The following SMG5 variants were observed in gnomAD, a reference collection of about 807,000 sequenced individuals.
SMG5 encodes SMG5 nonsense mediated mRNA decay factor.
A neutral mutation model predicts 122.9 loss-of-function variants in SMG5; 53 were observed. That is an observed-to-expected ratio of 0.43 (90% CI 0.35 to 0.54). SMG5 has a LOEUF of 0.54. Ranked by LOEUF, SMG5 falls within the 20% of genes least tolerant of loss-of-function variation. The pLI, the probability that SMG5 is intolerant of heterozygous loss-of-function variation, is 0.01. For missense variants in SMG5, 1,153 were observed against 1,285.6 expected, an observed-to-expected ratio of 0.90 and a Z score of 1.58; for synonymous variants, 477 against 490.2, an observed-to-expected ratio of 0.97 and a Z score of 0.35.
At chr1:156,277,556 T>C (rs1227048127) in intron 3 of SMG5, among the ~76,000 whole-genome samples, 1 of 149,122 alleles carries the variant, frequency 6.7e-6, no homozygotes, top group Non-Finnish European at 1.5e-5. Flanking sequence ...CTTGTTGCCC[T>C]GGCTGGAGTA....
intron 7 of SMG5, 112 bp from the exon 8 acceptor site, chr1:156,268,527 C>G (rs1662261819): frequency 7.4e-7 from 1 of 1,357,208 alleles, no homozygotes; most frequent in Non-Finnish European, 1.0e-6. Flanking sequence ...CCAGCCTCAG[C>G]TTCCATGTAC....
rs948424373 is a variant in SMG5, at chr1:156,282,808, G to A, written c.-128C>T. 22 of 1,035,274 alleles carry A rather than the reference G, an allele frequency of 2.1e-5. No homozygotes were observed. Among genetic ancestry groups the A allele is most frequent in the Non-Finnish European group, 2.6e-5 (19 of 741,398 alleles). 64.1% of individuals were successfully genotyped at this position (1,035,274 alleles called of 1,614,324 possible). A position where few individuals can be genotyped will look rare whatever the true frequency, so the allele number is the denominator to read the frequency against. On this transcript the variant is annotated 5_prime_UTR_variant, in exon 1 of 22. Coordinates refer to ENST00000361813, the MANE Select transcript of SMG5 (RefSeq NM_015327.3). ...GGCCCTGCTCGGCCGCCATCGCTGT[G>A]AGGCGGCTGCCCGCGACAGCTCCTC...
upstream of SMG5, chr1:156,286,496 G>C (rs199616044): frequency 1.9e-6 from 3 of 1,610,582 alleles, no homozygotes; most frequent in South Asian, 2.2e-5. Context: ...AGAGGGTGGG[G>C]CATGGGAGAG....
At chr1:156,267,053 C>T (rs1662184923) in intron 10 of SMG5, among the ~76,000 whole-genome samples, 1 of 152,142 alleles carries the variant, frequency 6.6e-6, no homozygotes, top group African/African-American at 2.4e-5. Context: ...CCCCATGCCT[C>T]AAGAGCCTTC....
intron 17 of SMG5, 124 bp from the exon 18 acceptor site, chr1:156,253,202 T>C (rs1225113164): frequency 7.1e-6 from 8 of 1,127,802 alleles, no homozygotes; most frequent in Non-Finnish European, 9.9e-6. Context: ...GAGGACCCTC[T>C]CTACCAATGG....
chr1:156,285,794 G>A (rs370647770), upstream of SMG5: 129 of 1,613,476 alleles, frequency 8.0e-5, no homozygotes, highest in Middle Eastern at 6.6e-4. Flanking sequence ...TGGGGGCTGC[G>A]GGAGCTGTGG....
At chr1:156,258,443 G>C (rs144778101) in intron 16 of SMG5, among the ~76,000 whole-genome samples, 24 of 152,348 alleles carry the variant, frequency 1.6e-4, no homozygotes, top group Non-Finnish European at 3.5e-4. Context: ...AAAGGTGACA[G>C]AGATGGCCTC....
chr1:156,259,176 A>G lies in SMG5; in HGVS notation c.2284-13T>C. ...TGCGCACCACTGACTGTGGGGAGAT[A>G]CAGGAGCCCAGCGCTGCTGAGCAGG... On this transcript the variant is annotated splice_polypyrimidine_tract_variant and intron_variant, in intron 15 of 21. Coordinates refer to ENST00000361813, the MANE Select transcript of SMG5 (RefSeq NM_015327.3). 6.4e-7 allele frequency: 1 copy of G among 1,555,946 alleles called. No homozygotes were observed.
intron 12 of SMG5, among the ~76,000 whole-genome samples, chr1:156,264,267 CAAAAAAAAAAAA>C (rs1205363773): frequency 7.4e-5 from 4 of 53,978 alleles, no homozygotes; most frequent in Admixed American, 2.7e-4. Context: ...GACTCCGTCT[CAAAAAAAAAAAA>C]AAAAAAAAAA....
rs1304295853 is a variant in SMG5 at position 156,266,303 on chromosome 1, C to T, written c.1333G>A (p.Gly445Ser). The T allele has an allele frequency of 5.0e-6, 8 of 1,614,096 alleles. No homozygotes were observed. The highest frequency in any genetic ancestry group is 6.8e-6 in the Non-Finnish European group (8 of 1,180,058). ...PEPPPVTPQV[G>S]EGRKSRKFSR... ...AACTTACGGCTCTTTCTGCCCTCACCCACTTGGGGTGTTACAGGAGGAGGC... is the reference window on the plus strand; with the variant it reads ...AACTTACGGCTCTTTCTGCCCTCACTCACTTGGGGTGTTACAGGAGGAGGC... The change falls in exon 12 of 22, where the codon GGT becomes AGT. Residue 445 changes from glycine (G) to serine (S), a missense_variant. By Grantham distance (56) the Gly-to-Ser change is moderately conservative. Around this residue, in one of 5 missense-constraint regions of SMG5, gnomAD observed 631 missense variants for 650.6 expected, o/e 0.97. Transcript: ENST00000361813.
chr1:156,261,267 G>T (rs1000274171), intron 14 of SMG5, 66 bp downstream of exon 14: 6 of 1,479,130 alleles, frequency 4.1e-6, no homozygotes, highest in Non-Finnish European at 4.7e-6. Context: ...TATGGGGAGG[G>T]GAGATGGGCT....
rs778890387 is a variant in SMG5 at position 156,266,302 on chromosome 1, C to G, written c.1334G>C (p.Gly445Ala). The G allele has an allele frequency of 3.1e-6, 5 of 1,614,072 alleles. No individual in the cohort carries two copies. The African/African-American group carries it at 4.0e-5, about 13-fold the overall frequency. ...PEPPPVTPQV[G>A]EGRKSRKFSR... The stretch of plus-strand genomic sequence containing the variant: ...GAACTTACGGCTCTTTCTGCCCTCA[C>G]CCACTTGGGGTGTTACAGGAGGAGG... The change falls in exon 12 of 22, where the codon GGT (glycine) becomes GCT (alanine). Residue 445 changes from glycine to alanine, a missense_variant. By Grantham distance (60) the Gly-to-Ala change is moderately conservative. This residue lies in a region of SMG5 where 631 missense variants were observed against 650.6 expected (regional missense o/e 0.97). Coordinates refer to ENST00000361813, the MANE Select transcript of SMG5 (RefSeq NM_015327.3).
At chr1:156,256,808 A>C (rs749388045) in intron 16 of SMG5, among the ~76,000 whole-genome samples, 2 of 152,202 alleles carry the variant, frequency 1.3e-5, no homozygotes, top group Admixed American at 6.5e-5. Context: ...AAAGCAGCAG[A>C]AAAGAGCCAG....
intron 1 of SMG5, among the ~76,000 whole-genome samples, chr1:156,280,054 T>C (rs1662860627): frequency 6.6e-6 from 1 of 152,194 alleles, no homozygotes; most frequent in Non-Finnish European, 1.5e-5. Flanking sequence ...TATATAGTAA[T>C]CACTCCAAGT....
chr1:156,272,578 CT>C (rs35318466), intron 6 of SMG5, among the ~76,000 whole-genome samples, 180 bp from the exon 7 acceptor site: 36 of 146,208 alleles, frequency 2.5e-4, no homozygotes, highest in Admixed American at 2.1e-4. Context: ...CTGACCTCTT[CT>C]TTTTTTTTTT....
At chr1:156,261,925 G>C (rs946121784) in intron 13 of SMG5, among the ~76,000 whole-genome samples, 3 of 151,464 alleles carry the variant, frequency 2.0e-5, no homozygotes, top group Non-Finnish European at 4.4e-5. Context: ...AGCCAGGCGT[G>C]GTGGCATGCG....
Position 156,274,654 on chromosome 1 carries a change from C to T in SMG5, c.487G>A (p.Glu163Lys), listed in dbSNP as rs1471492603. ...CKKPVSASGK[E>K]MDWAQMACHR... is the part of the protein sequence containing the mutation. ...CATGCCATCTGTGCCCAATCCATCT[C>T]CTTCCCTGAGGCAGACACTGGCTTC... The change falls in exon 5 of 22, where the codon GAG becomes AAG. Residue 163 changes from glutamate to lysine, a missense_variant. By Grantham distance (56) the Glu-to-Lys change is moderately conservative. Coordinates refer to ENST00000361813, the MANE Select transcript of SMG5 (RefSeq NM_015327.3). The T allele has an allele frequency of 6.2e-7, 1 of 1,613,874 alleles. No homozygotes were observed. Among genetic ancestry groups the T allele is most frequent in the Admixed American group, 1.7e-5 (1 of 59,996 alleles).
rs534740256 is a variant in SMG5, at chr1:156,280,576, C to T, written c.75-1542G>A. On this transcript the variant is annotated intron_variant, in intron 1 of 21. Coordinates refer to ENST00000361813, the MANE Select transcript of SMG5 (RefSeq NM_015327.3). ...GCAGCACCAGTGATTTACTTTATACCAGCTCAGTCCCTAGGGCAGGGCTTT... is the reference window on the plus strand; with the variant it reads ...GCAGCACCAGTGATTTACTTTATACTAGCTCAGTCCCTAGGGCAGGGCTTT... Among the ~76,000 whole-genome samples the T allele has an allele frequency of 2.0e-5, 3 of 152,356 alleles. No homozygotes were observed. The South Asian group carries it at 6.2e-4, about 32-fold the overall frequency.
chr1:156,291,167 C>T, the SMG5 span: 7 of 562,176 alleles, frequency 1.2e-5, no homozygotes, highest in African/African-American at 1.3e-4. Flanking sequence ...ACATACTCAA[C>T]TTCATAAAGA....
Sources: gnomAD v4.1 joint callset for allele counts (sites outside exome capture counted in the v4.1 genomes callset) on GRCh38, gnomAD v4.1.1 for gene constraint, gnomAD v4.1.1 regional missense constraint, MANE v1.5 for transcripts, NCBI Gene and HGNC (gene_info 2026-07-23, HGNC 2026-07-21) for gene names.